Variants in CADM2 observed in about 807,000 individuals in gnomAD.
CADM2 encodes immunoglobulin superfamily member 4D.
Under a neutral mutation model 49.8 loss-of-function variants are expected in CADM2, and 12 were observed. The ratio of observed to expected loss-of-function variants is 0.24; its 90% CI spans 0.15 to 0.39. The LOEUF is 0.39. CADM2 is among the 10% of genes least tolerant of loss of function. The probability of loss-of-function intolerance (pLI) is 1.00; values close to 1 mark genes in which losing one functional copy is unlikely to be tolerated. For missense variants in CADM2, 378 were observed against 492.3 expected, an observed-to-expected ratio of 0.77 and a Z score of 2.20; for synonymous variants, 214 against 175.4, an observed-to-expected ratio of 1.22 and a Z score of -1.74.
intron 1 of CADM2, among the ~76,000 whole-genome samples, chr3:85,563,415 G>GGGGA (rs879888942): frequency 6.7e-6 from 1 of 149,024 alleles, no homozygotes; most frequent in African/African-American, 2.4e-5. Flanking sequence ...TGTGTGTGGG[G>GGGGA]GGGTGGTAAT....
intron 2 of CADM2, among the ~76,000 whole-genome samples, chr3:85,777,239 TA>T (rs928110796): frequency 8.6e-5 from 11 of 127,696 alleles, no homozygotes; most frequent in African/African-American, 2.9e-4. Flanking sequence ...CTATGGTTTT[TA>T]AAAAATTATT....
At chr3:86,038,610 T>C (rs79375702) in intron 8 of CADM2, among the ~76,000 whole-genome samples, 5,209 of 152,272 alleles carry the variant, frequency 0.034, 174 homozygotes, top group African/African-American at 0.083. Context: ...AACCATCTTC[T>C]CAATAATAAA....
chr3:85,524,670 A>G (rs529512001), intron 1 of CADM2, among the ~76,000 whole-genome samples: 6 of 152,282 alleles, frequency 3.9e-5, no homozygotes, highest in African/African-American at 7.2e-5. Context: ...CAAGTCTACT[A>G]TATCTTTACT....
chr3:85,283,681 T>G (rs2043559383), intron 1 of CADM2, among the ~76,000 whole-genome samples: 1 of 152,078 alleles, frequency 6.6e-6, no homozygotes, highest in South Asian at 2.1e-4. Flanking sequence ...GATGATTGAA[T>G]AAAATAAGCT....
chr3:85,915,103 C>A (rs915329615), intron 6 of CADM2, among the ~76,000 whole-genome samples: 5 of 152,042 alleles, frequency 3.3e-5, no homozygotes. Context: ...TATATGTCAG[C>A]TGCCAAGGTC....
chr3:85,511,545 A>G lies in CADM2; in HGVS notation c.62-214977A>G, dbSNP rs189131331. Among the ~76,000 whole-genome samples the G allele has an allele frequency of 6.2e-4, 95 of 152,212 alleles. 1 individual carries two copies. The highest frequency in any genetic ancestry group is 2.5e-4 in the Non-Finnish European group (17 of 67,952). ...CTAAGCTGTTTTGGAAAGTAATACAATTCCACCAATGTTTTTTATTTGATA... is the reference window on the plus strand; with the variant it reads ...CTAAGCTGTTTTGGAAAGTAATACAGTTCCACCAATGTTTTTTATTTGATA... On this transcript the variant is annotated intron_variant, in intron 1 of 9. Coordinates refer to ENST00000383699, the MANE Select transcript of CADM2 (RefSeq NM_001167675.2).
At chr3:85,894,062 G>A (rs9832847) in intron 5 of CADM2, among the ~76,000 whole-genome samples, 105,938 of 151,874 alleles carry the variant, frequency 0.7, 38,578 homozygotes, top group African/African-American at 0.92. Flanking sequence ...GTTTATTGCG[G>A]CACTATTCAC....
intron 8 of CADM2, among the ~76,000 whole-genome samples, chr3:85,990,219 C>T (rs532735773): frequency 2.6e-5 from 4 of 151,920 alleles, no homozygotes; most frequent in African/African-American, 9.7e-5. Context: ...AGTACCAATA[C>T]AACCATTTTG....
intron 3 of CADM2, among the ~76,000 whole-genome samples, chr3:85,839,430 C>T (rs2074544806): frequency 6.6e-6 from 1 of 151,754 alleles, no homozygotes; most frequent in African/African-American, 2.4e-5. Flanking sequence ...ACATAAAAGG[C>T]TAATCACACA....
At chr3:86,032,146 G>A (rs1010926982) in intron 8 of CADM2, among the ~76,000 whole-genome samples, 1 of 151,528 alleles carries the variant, frequency 6.6e-6, no homozygotes, top group African/African-American at 2.4e-5. Flanking sequence ...AATTAAATGA[G>A]CAACATATAG....
chr3:85,372,324 G>T (rs1037737726), intron 1 of CADM2, among the ~76,000 whole-genome samples: 1 of 151,042 alleles, frequency 6.6e-6, no homozygotes, highest in African/African-American at 2.4e-5. Context: ...AAGCAAAGAT[G>T]TCTAGATGAA....
intron 8 of CADM2, among the ~76,000 whole-genome samples, chr3:86,061,875 A>G (rs903870768): frequency 6.6e-6 from 1 of 152,078 alleles, no homozygotes; most frequent in Non-Finnish European, 1.5e-5. Flanking sequence ...TTAATCCAAA[A>G]CATTTAAATT....
At chr3:85,724,905 A>C (rs934072763) in intron 1 of CADM2, among the ~76,000 whole-genome samples, 1 of 151,940 alleles carries the variant, frequency 6.6e-6, no homozygotes, top group East Asian at 1.9e-4. Flanking sequence ...TTTAAAACTT[A>C]AGTTTTGATA....
chr3:85,584,195 A>T (rs908779149), intron 1 of CADM2, among the ~76,000 whole-genome samples: 1 of 152,038 alleles, frequency 6.6e-6, no homozygotes, highest in African/African-American at 2.4e-5. Flanking sequence ...TGTAATATTT[A>T]ATGATCTTTA....
rs1007175905 is a variant in CADM2 at position 86,068,640 on chromosome 3, T to G, written c.*1857T>G. Reference sequence around the variant, plus strand: ...TAAGGAAAATGTTAGAATTTTAAAGTTTTTTTTTGATTGTTGAAGCATTTA... The same window carrying G: ...TAAGGAAAATGTTAGAATTTTAAAGGTTTTTTTTGATTGTTGAAGCATTTA... On this transcript the variant is annotated 3_prime_UTR_variant, in exon 10 of 10. Transcript: ENST00000383699. 1 of 149,480 alleles carries G rather than the reference T, an allele frequency of 6.7e-6. No individual in the cohort carries two copies. Among genetic ancestry groups the G allele is most frequent in the East Asian group, 1.9e-4 (1 of 5,180 alleles). 9.3% of individuals were successfully genotyped at this position (149,480 alleles called of 1,614,324 possible). A position where few individuals can be genotyped will look rare whatever the true frequency, so the allele number is the denominator to read the frequency against.
intron 1 of CADM2, among the ~76,000 whole-genome samples, chr3:85,313,489 T>G (rs888045193): frequency 1.3e-5 from 2 of 152,214 alleles, no homozygotes; most frequent in Non-Finnish European, 2.9e-5. Context: ...CAAATCATTT[T>G]CTTTGGATAT....
intron 8 of CADM2, among the ~76,000 whole-genome samples, chr3:86,036,796 G>T (rs886718566): frequency 2.0e-5 from 3 of 152,146 alleles, no homozygotes; most frequent in African/African-American, 7.2e-5. Context: ...TATGTGAACT[G>T]GTACCCTGGA....
At chr3:85,133,627 CAG>C (rs1394668984) in intron 1 of CADM2, among the ~76,000 whole-genome samples, 35 of 147,064 alleles carry the variant, frequency 2.4e-4, no homozygotes, top group Admixed American at 1.0e-3. Context: ...TAGCTAGATA[CAG>C]AGTGTCGATT....
intron 3 of CADM2, among the ~76,000 whole-genome samples, chr3:85,845,242 T>G (rs1010838536): frequency 1.3e-5 from 2 of 151,460 alleles, no homozygotes; most frequent in African/African-American, 2.4e-5. Flanking sequence ...TATTCTGGCA[T>G]GGCTCTCACA....
Sources: allele counts gnomAD v4.1 joint callset (sites outside exome capture counted in the v4.1 genomes callset), GRCh38; gene constraint gnomAD v4.1.1; transcripts MANE v1.5; gene names NCBI Gene and HGNC (gene_info 2026-07-23, HGNC 2026-07-21).